PIGN: variants seen among roughly 807,000 people sequenced by gnomAD.
PIGN encodes the protein phosphatidylinositol glycan anchor biosynthesis class N, also known as GPI ethanolamine phosphate transferase 1.
In PIGN, 117 loss-of-function variants were observed where a neutral mutation model predicts 125.4. The ratio of observed to expected loss-of-function variants is 0.93; its 90% CI spans 0.80 to 1.09. The LOEUF is 1.09. PIGN is among the 50% of genes least tolerant of loss of function. The pLI is 0.00. For missense variants in PIGN, 1,075 were observed against 1,094.9 expected, an observed-to-expected ratio of 0.98 and a Z score of 0.26; for synonymous variants, 392 against 377.8, an observed-to-expected ratio of 1.04 and a Z score of -0.44.
At chr18:62,185,147 C>T (rs2037851036) in intron 1 of PIGN, among the ~76,000 whole-genome samples, 1 of 152,090 alleles carries the variant, frequency 6.6e-6, no homozygotes, top group African/African-American at 2.4e-5. Context: ...CTAATCATGC[C>T]CTTCCCATGC....
At chr18:62,167,414 T>C (rs888435209) in intron 1 of PIGN, among the ~76,000 whole-genome samples, 6 of 147,042 alleles carry the variant, frequency 4.1e-5, no homozygotes, top group Admixed American at 2.1e-4. Flanking sequence ...GGTGGATCTC[T>C]TGAGGTCAGG....
intron 17 of PIGN, among the ~76,000 whole-genome samples, chr18:62,107,303 G>T (rs1033198465): frequency 4.6e-5 from 7 of 151,640 alleles, no homozygotes; most frequent in Non-Finnish European, 1.0e-4. Context: ...GAATTAATTT[G>T]AAAACGATCA....
rs28743130 is a variant in PIGN at position 62,125,510 on chromosome 18, T to C, written c.1173-10871A>G. On this transcript the variant is annotated intron_variant, in intron 14 of 30. Transcript: ENST00000640252. Reference sequence around the variant, plus strand: ...GATGAATACCTTGGGGCAAAGACTTTTTCACATTCACTTCCTGAAGTTCTG... The same window carrying C: ...GATGAATACCTTGGGGCAAAGACTTCTTCACATTCACTTCCTGAAGTTCTG... Among the ~76,000 whole-genome samples the C allele has an allele frequency of 9.9e-3, 1,513 of 152,150 alleles. 21 individuals carry two copies. Among genetic ancestry groups the C allele is most frequent in the East Asian group, 0.049 (253 of 5,180 alleles).
intron 30 of PIGN, chr18:62,053,006 G>C: frequency 2.7e-6 from 1 of 370,870 alleles, no homozygotes; most frequent in Non-Finnish European, 4.8e-6. Context: ...AATTATGAAG[G>C]AAAAAGAACT....
intron 7 of PIGN, among the ~76,000 whole-genome samples, chr18:62,151,242 G>A (rs568907105): frequency 1.3e-5 from 2 of 152,242 alleles, no homozygotes; most frequent in Admixed American, 6.5e-5. Context: ...GGTCTTCCCC[G>A]ACCACTAGGA....
intron 14 of PIGN, among the ~76,000 whole-genome samples, chr18:62,133,032 T>A (rs2035798547): frequency 6.6e-6 from 1 of 152,204 alleles, no homozygotes; most frequent in South Asian, 2.1e-4. Context: ...ATACTTTGAG[T>A]ACCCACACAA....
intron 14 of PIGN, among the ~76,000 whole-genome samples, chr18:62,134,073 C>T (rs2035837904): frequency 6.6e-6 from 1 of 152,128 alleles, no homozygotes; most frequent in Non-Finnish European, 1.5e-5. Context: ...TTTACCTCCT[C>T]TTTTGGTGAC....
rs1230847358 is a variant in PIGN at position 62,085,244 on chromosome 18, T to C, written c.2391A>G (p.Ala797=). 2.6e-6 allele frequency: 4 copies of C among 1,545,030 alleles called. No homozygotes were observed. The highest frequency in any genetic ancestry group is 3.4e-4 in the Middle Eastern group (2 of 5,962). ...AFFLVFFLVT[A]FFGTGNIASI... ...AAGCTATATTTCCAGTTCCAAAAAA[T>C]GCTGTCACTAAGAAGAAAACCTAAA... The change falls in exon 26 of 31, where the codon GCA becomes GCG. Residue 797 remains alanine (A), a synonymous_variant. Coordinates refer to ENST00000640252, the MANE Select transcript of PIGN (RefSeq NM_176787.5).
At chr18:62,174,975 TAC>T (rs1171922200) in intron 1 of PIGN, among the ~76,000 whole-genome samples, 3 of 149,056 alleles carry the variant, frequency 2.0e-5, no homozygotes, top group Non-Finnish European at 4.4e-5. Flanking sequence ...ATTTCTTGAT[TAC>T]AGACTCACAG....
chr18:62,043,482 A>G lies in PIGN; in HGVS notation c.*2374T>C, dbSNP rs1334966688. 1 of 152,214 alleles carries G rather than the reference A, an allele frequency of 6.6e-6. No homozygotes were observed. The highest frequency in any genetic ancestry group is 2.4e-5 in the African/African-American group (1 of 41,450). The allele number at this position is 152,214 out of a possible 1,614,324, so 9.4% of individuals were successfully genotyped here. A position where few individuals can be genotyped will look rare whatever the true frequency, so the allele number is the denominator to read the frequency against. On this transcript the variant is annotated 3_prime_UTR_variant, in exon 31 of 31. Coordinates refer to ENST00000640252, the MANE Select transcript of PIGN (RefSeq NM_176787.5). ...ATATCTGAGTTGGCTGAAATTTGTA[A>G]TAAGTTTTTCATGAGAAACCATATT...
At chr18:62,088,630 T>C (rs1475513378) in intron 25 of PIGN, 126 bp downstream of exon 25, 1 of 612,748 alleles carries the variant, frequency 1.6e-6, no homozygotes, top group Non-Finnish European at 2.9e-6. Flanking sequence ...ATGAGAAAAC[T>C]ATAGTTCAGG....
chr18:62,114,528 A>G, intron 15 of PIGN, 33 bp downstream of exon 15: 1 of 1,266,978 alleles, frequency 7.9e-7, no homozygotes, highest in Non-Finnish European at 1.1e-6. Context: ...AATGATAATC[A>G]GCTATTTATG....
At chr18:62,160,477 A>G (rs942644786) in intron 4 of PIGN, among the ~76,000 whole-genome samples, 8 of 151,400 alleles carry the variant, frequency 5.3e-5, no homozygotes, top group Non-Finnish European at 7.4e-5. Flanking sequence ...ATTCATTAAT[A>G]TTTATGCTTG....
chr18:62,131,754 C>G (rs2035747402), intron 14 of PIGN, among the ~76,000 whole-genome samples: 1 of 152,094 alleles, frequency 6.6e-6, no homozygotes, highest in African/African-American at 2.4e-5. Flanking sequence ...TTTATTTTTC[C>G]TACGTCCTGA....
chr18:62,174,334 T>C (rs2037445902), intron 1 of PIGN: 1 of 152,224 alleles, frequency 6.6e-6, no homozygotes, highest in Non-Finnish European at 1.5e-5. Flanking sequence ...TACCAAATTA[T>C]ATGATCTTTT....
At chr18:62,183,304 T>C (rs1227249037) in intron 1 of PIGN, among the ~76,000 whole-genome samples, 1 of 152,134 alleles carries the variant, frequency 6.6e-6, no homozygotes, top group Non-Finnish European at 1.5e-5. Context: ...TAATCTAGAC[T>C]AAAATCCTTA....
chr18:62,098,146 A>G (rs898000308), intron 22 of PIGN, among the ~76,000 whole-genome samples: 5 of 152,264 alleles, frequency 3.3e-5, no homozygotes, highest in African/African-American at 9.6e-5. Flanking sequence ...TGCCTAGCAC[A>G]TAGTGCTTAG....
At chr18:62,082,358 T>C (rs2033486982) in intron 28 of PIGN, among the ~76,000 whole-genome samples, 1 of 152,136 alleles carries the variant, frequency 6.6e-6, no homozygotes, top group South Asian at 2.1e-4. Flanking sequence ...GTAGGCACAG[T>C]TATAACAAGT....
At chr18:62,040,249 C>T (rs1345354969), downstream of PIGN, among the ~76,000 whole-genome samples, 1 of 145,962 alleles carries the variant, frequency 6.9e-6, no homozygotes, top group African/African-American at 2.6e-5. Flanking sequence ...TCCAGGGTGC[C>T]GCACCCCATG....
Sources: allele counts gnomAD v4.1 joint callset (sites outside exome capture counted in the v4.1 genomes callset), GRCh38; gene constraint gnomAD v4.1.1; transcripts MANE v1.5; gene names NCBI Gene and HGNC (gene_info 2026-07-23, HGNC 2026-07-21).